PUM1: variants seen among roughly 807,000 people sequenced by gnomAD.
The protein encoded by PUM1 is pumilio RNA binding family member 1.
PUM1 carries 13 observed loss-of-function variants against 131.8 expected under a neutral mutation model. The ratio of observed to expected loss-of-function variants is 0.10; its 90% CI spans 0.06 to 0.16. The LOEUF is 0.16. Ranked by LOEUF, PUM1 falls within the 10% of genes least tolerant of loss-of-function variation. The pLI, the probability that PUM1 is intolerant of heterozygous loss-of-function variation, is 1.00. For missense variants in PUM1, 961 were observed against 1,512.4 expected (o/e 0.64, Z 6.05); for synonymous variants, 509 against 556.5 (o/e 0.91, Z 1.20).
At chr1:31,042,310 A>G (rs1405033874) in intron 2 of PUM1, among the ~76,000 whole-genome samples, 1 of 132,468 alleles carries the variant, frequency 7.5e-6, no homozygotes, top group Non-Finnish European at 1.5e-5. Flanking sequence ...TGTATCAAAA[A>G]TAAATAAATA....
At chr1:31,012,262 C>T (rs1642646593) in intron 3 of PUM1, among the ~76,000 whole-genome samples, 1 of 151,498 alleles carries the variant, frequency 6.6e-6, no homozygotes, top group Non-Finnish European at 1.5e-5. Context: ...ACATTAGCCT[C>T]TTGTTGTTCT....
At chr1:30,999,097 C>T (rs1290483054) in intron 5 of PUM1, among the ~76,000 whole-genome samples, 1 of 152,172 alleles carries the variant, frequency 6.6e-6, no homozygotes, top group African/African-American at 2.4e-5. Context: ...ACCTCTAGGG[C>T]TCATGTGATC....
chr1:30,968,570 A>G lies in PUM1; in HGVS notation c.1507-78T>C, dbSNP rs113068689. On this transcript the variant is annotated intron_variant, in intron 10 of 21. Transcript: ENST00000426105. ...CCTACCCTATGCTCAGGTTGGGTCA[A>G]CTTTTAAAACTTAATTGTAAATTGT... is the stretch of plus-strand genomic sequence containing the variant. The G allele has an allele frequency of 2.3e-4, 324 of 1,426,348 alleles. 2 individuals are homozygous for G. Among genetic ancestry groups the G allele is most frequent in the African/African-American group, 1.8e-3 (125 of 68,364 alleles). The allele number at this position is 1,426,348 out of a possible 1,614,324, so 88.4% of individuals were successfully genotyped here. A position where few individuals can be genotyped will look rare whatever the true frequency, so the allele number is the denominator to read the frequency against.
At chr1:30,938,210 C>T (rs987421079) in intron 20 of PUM1, among the ~76,000 whole-genome samples, 2 of 152,150 alleles carry the variant, frequency 1.3e-5, no homozygotes, top group African/African-American at 4.8e-5. Context: ...TGCTTTCAGA[C>T]ATTTTTGATG....
At chr1:30,952,859 T>A (rs1314794082) in intron 15 of PUM1, among the ~76,000 whole-genome samples, 1 of 151,786 alleles carries the variant, frequency 6.6e-6, no homozygotes, top group Non-Finnish European at 1.5e-5. Flanking sequence ...ACAGTACTCA[T>A]CAGCTACTCG....
chr1:31,019,732 C>T (rs534175642), intron 3 of PUM1, among the ~76,000 whole-genome samples: 8 of 152,320 alleles, frequency 5.3e-5, no homozygotes, highest in African/African-American at 1.9e-4. Context: ...CTCTTCTCTA[C>T]TGTCTTCATA....
chr1:30,954,106 G>T, intron 14 of PUM1, 125 bp from the exon 15 acceptor site: 1 of 1,042,544 alleles, frequency 9.6e-7, no homozygotes, highest in Non-Finnish European at 1.4e-6. Context: ...TTGTTTTTGT[G>T]TCAAGACAAT....
intron 1 of PUM1, among the ~76,000 whole-genome samples, chr1:31,062,356 C>T (rs1644386533): frequency 6.6e-6 from 1 of 152,190 alleles, no homozygotes; most frequent in South Asian, 2.1e-4. Flanking sequence ...GACACGGTGG[C>T]TTACGCCTGT....
chr1:31,014,566 T>C (rs1029507822), intron 3 of PUM1, among the ~76,000 whole-genome samples: 15 of 151,866 alleles, frequency 9.9e-5, no homozygotes, highest in East Asian at 5.8e-4. Context: ...GGCGGGCGGA[T>C]TGCTTGCGGT....
At chr1:30,944,720 G>A (rs890431631) in intron 18 of PUM1, among the ~76,000 whole-genome samples, 6 of 152,148 alleles carry the variant, frequency 3.9e-5, no homozygotes, top group Admixed American at 6.5e-5. Flanking sequence ...AATTTAAAAC[G>A]AAAGCACTGA....
At chr1:30,940,996 G>A (rs1356333768) in intron 20 of PUM1, among the ~76,000 whole-genome samples, 155 bp downstream of exon 20, 2 of 152,146 alleles carry the variant, frequency 1.3e-5, no homozygotes, top group African/African-American at 4.8e-5. Context: ...GGACCTCTCA[G>A]AGTTTATACT....
chr1:30,936,579 G>T, intron 21 of PUM1, 64 bp downstream of exon 21: 2 of 1,444,302 alleles, frequency 1.4e-6, no homozygotes, highest in Non-Finnish European at 1.9e-6. Flanking sequence ...ACCCTCCTTT[G>T]TGTTTCAGAA....
intron 7 of PUM1, among the ~76,000 whole-genome samples, chr1:30,983,525 C>T (rs1017886836): frequency 6.6e-6 from 1 of 152,172 alleles, no homozygotes; most frequent in Non-Finnish European, 1.5e-5. Flanking sequence ...CAGAACACAA[C>T]TCTTAAGGGT....
intron 3 of PUM1, among the ~76,000 whole-genome samples, chr1:31,025,129 T>C (rs1017829275): frequency 2.6e-5 from 4 of 152,194 alleles, no homozygotes; most frequent in African/African-American, 9.7e-5. Flanking sequence ...AGGAAGCACA[T>C]AAAGCACTTG....
At chr1:30,971,981 T>C (rs1370379473) in intron 10 of PUM1, among the ~76,000 whole-genome samples, 2 of 151,966 alleles carry the variant, frequency 1.3e-5, no homozygotes, top group East Asian at 3.9e-4. Context: ...ATTTGCTAGG[T>C]GCAGTGGTTC....
intron 3 of PUM1, among the ~76,000 whole-genome samples, chr1:31,024,273 G>C (rs1643144918): frequency 6.6e-6 from 1 of 152,102 alleles, no homozygotes. Context: ...CCTTTCTTTG[G>C]ATTAACAGCT....
intron 5 of PUM1, among the ~76,000 whole-genome samples, chr1:31,001,785 T>C (rs1642225024): frequency 6.6e-6 from 1 of 152,244 alleles, no homozygotes; most frequent in African/African-American, 2.4e-5. Flanking sequence ...CTAGACATAC[T>C]ATGTTTTTTC....
intron 10 of PUM1, among the ~76,000 whole-genome samples, chr1:30,969,259 G>C (rs898213882): frequency 7.1e-6 from 1 of 140,324 alleles, no homozygotes; most frequent in Admixed American, 7.8e-5. Flanking sequence ...AGCTGAGATC[G>C]AGACACTTCG....
In PUM1 at chr1:31,057,221, T is replaced by A. The variant is rs186645613; in HGVS notation, c.363+1983A>T. Among the ~76,000 whole-genome samples, 548 of 152,084 alleles carry A rather than the reference T, an allele frequency of 3.6e-3. 2 individuals are homozygous for A. The highest frequency in any genetic ancestry group is 0.012 in the African/African-American group (513 of 41,512). ...GGCTCAAAGTAGAGCCTGGCCAACA[T>A]GGCAAAACCCCGTCTCTACAAAAAA... On this transcript the variant is annotated intron_variant, in intron 2 of 21. Transcript: ENST00000426105.
Sources: allele counts gnomAD v4.1 joint callset (sites outside exome capture counted in the v4.1 genomes callset), GRCh38; gene constraint gnomAD v4.1.1; transcripts MANE v1.5; gene names NCBI Gene and HGNC (gene_info 2026-07-23, HGNC 2026-07-21).